Variants in CCND3 observed in about 807,000 individuals in gnomAD.
CCND3 encodes G1/S-specific cyclin-D3.
In CCND3, 9 loss-of-function variants were observed where a neutral mutation model predicts 28.7. The ratio of observed to expected loss-of-function variants is 0.31; its 90% CI spans 0.19 to 0.55. The LOEUF is 0.55. Among genes scored for constraint, CCND3 ranks in the 20% least tolerant of loss-of-function variants. CCND3 has a pLI of 0.93. For synonymous variants in CCND3, 164 were observed against 163.9 expected (o/e 1.00, Z 0.00); for missense variants, 315 against 385.8 (o/e 0.82, Z 1.54).
chr6:41,970,484 G>A (rs1426174336), intron 1 of CCND3, among the ~76,000 whole-genome samples: 2 of 152,214 alleles, frequency 1.3e-5, no homozygotes, highest in African/African-American at 4.8e-5. Context: ...AGCCTGTGGT[G>A]AGAAGACAAT....
At chr6:42,044,571 A>C (rs560095783) in intron 1 of CCND3, among the ~76,000 whole-genome samples, 1 of 152,258 alleles carries the variant, frequency 6.6e-6, no homozygotes, top group South Asian at 2.1e-4. Flanking sequence ...CATTTGTTAG[A>C]AAGTTCTACG....
intron 1 of CCND3, among the ~76,000 whole-genome samples, chr6:41,987,515 C>CTG (rs1314945814): frequency 1.1e-3 from 47 of 41,280 alleles, no homozygotes; most frequent in African/African-American, 9.9e-3. Context: ...CTCTCTCTCT[C>CTG]TCTGTGTGTG....
chr6:41,957,094 C>T (rs1776457925), intron 1 of CCND3, among the ~76,000 whole-genome samples: 1 of 152,214 alleles, frequency 6.6e-6, no homozygotes, highest in African/African-American at 2.4e-5. Flanking sequence ...GTTAACTCCA[C>T]ACAAACAACT....
intron 1 of CCND3, among the ~76,000 whole-genome samples, chr6:41,957,872 A>G (rs1034916628): frequency 6.6e-6 from 1 of 152,014 alleles, no homozygotes; most frequent in Admixed American, 6.6e-5. Flanking sequence ...AATTTTTTGC[A>G]GAGATGGGGT....
intron 1 of CCND3, among the ~76,000 whole-genome samples, chr6:41,950,960 G>C (rs569876983): frequency 2.0e-5 from 3 of 151,812 alleles, no homozygotes; most frequent in Non-Finnish European, 4.4e-5. Flanking sequence ...CGCCCGCCTC[G>C]GCCTCCCAAA....
chr6:42,044,781 C>A lies in CCND3; in HGVS notation c.-46+3720G>T, dbSNP rs1363862947. 6.0e-4 allele frequency among the ~76,000 whole-genome samples: 38 copies of A among 63,626 alleles called. No individual in the cohort carries two copies. The East Asian group carries it at 8.0e-3, about 13-fold the overall frequency. The allele number at this position is 63,626 out of a possible 152,430, so 41.7% of individuals were successfully genotyped here. On this transcript the variant is annotated intron_variant, in intron 1 of 4. Transcript: ENST00000372988. ...TATCTTTTCTTTCTTTTCTTTCTTT[C>A]CTTTTATTTATTTATTTATTTATTT...
At chr6:42,003,737 G>T (rs1763089989) in intron 1 of CCND3, among the ~76,000 whole-genome samples, 1 of 151,566 alleles carries the variant, frequency 6.6e-6, no homozygotes, top group Non-Finnish European at 1.5e-5. Flanking sequence ...TCAGGAGTTT[G>T]AGACCAGTCT....
chr6:41,956,478 T>A (rs192704732), intron 1 of CCND3, among the ~76,000 whole-genome samples: 2 of 152,226 alleles, frequency 1.3e-5, no homozygotes, highest in East Asian at 3.9e-4. Context: ...TCCTCAACGT[T>A]CTAAAGGTAG....
chr6:42,031,780 T>C (rs1260127960), intron 1 of CCND3, among the ~76,000 whole-genome samples: 2 of 152,046 alleles, frequency 1.3e-5, no homozygotes, highest in East Asian at 1.9e-4. Context: ...ACCATATAAT[T>C]TTCATGTTAC....
At chr6:41,989,917 G>T (rs1762602082) in intron 1 of CCND3, among the ~76,000 whole-genome samples, 1 of 152,060 alleles carries the variant, frequency 6.6e-6, no homozygotes, top group Admixed American at 6.6e-5. Flanking sequence ...AAACTCTGAG[G>T]CCCAAGCTGT....
chr6:41,976,817 A>G (rs751342699), intron 1 of CCND3, among the ~76,000 whole-genome samples: 6 of 152,156 alleles, frequency 3.9e-5, no homozygotes, highest in Admixed American at 6.6e-5. Flanking sequence ...ACTCACCTCA[A>G]TGACGCCTCC....
At chr6:41,943,711 A>C (rs1009373703), upstream of CCND3, among the ~76,000 whole-genome samples, 1 of 152,224 alleles carries the variant, frequency 6.6e-6, no homozygotes, top group African/African-American at 2.4e-5. Flanking sequence ...TTTCCTGCTG[A>C]ATAGTTAAAC....
chr6:41,940,476 C>A lies in CCND3; in HGVS notation c.308G>T (p.Gly103Val). ...GGAGGCCAGCAGCATGCAGACCGCA[C>A]CCAGGAGCTGCAACTGCGCCTTTCG... Reference protein sequence around the residue: ...PTRKAQLQLLGAVCMLLASKL... With the variant: ...PTRKAQLQLLVAVCMLLASKL... Residue 103 changes from glycine (G) to valine (V), a missense_variant, in exon 2 of 5, where the codon GGT (glycine) becomes GTT (valine). By Grantham distance (109) the Gly-to-Val change is moderately radical. Transcript: ENST00000372991. 1 of 1,614,084 alleles carries A rather than the reference C, an allele frequency of 6.2e-7. No individual in the cohort carries two copies. Among genetic ancestry groups the A allele is most frequent in the Non-Finnish European group, 8.5e-7 (1 of 1,180,008 alleles).
At chr6:41,979,064 G>A (rs1461826563) in intron 1 of CCND3, among the ~76,000 whole-genome samples, 2 of 151,202 alleles carry the variant, frequency 1.3e-5, no homozygotes, top group African/African-American at 2.4e-5. Flanking sequence ...CGAGCTACTT[G>A]GGAGGCTGAG....
intron 1 of CCND3, among the ~76,000 whole-genome samples, chr6:41,950,884 A>G (rs1334474679): frequency 6.6e-6 from 1 of 151,410 alleles, no homozygotes; most frequent in Non-Finnish European, 1.5e-5. Flanking sequence ...AATTTTTTGT[A>G]TTTTTAGTAG....
chr6:41,997,519 G>A (rs1319589800), intron 1 of CCND3, among the ~76,000 whole-genome samples: 1 of 152,056 alleles, frequency 6.6e-6, no homozygotes, highest in Non-Finnish European at 1.5e-5. Context: ...AATTATAATG[G>A]CCTCTTCCTC....
intron 1 of CCND3, among the ~76,000 whole-genome samples, chr6:41,979,874 G>GTA (rs1762290113): frequency 6.6e-6 from 1 of 151,950 alleles, no homozygotes; most frequent in African/African-American, 2.4e-5. Context: ...GGTCTCAAGT[G>GTA]ATCCCCCTGC....
intron 1 of CCND3, among the ~76,000 whole-genome samples, chr6:42,038,188 TCTTTACCCTTATTCAC>T (rs1764281331): frequency 6.6e-6 from 1 of 152,106 alleles, no homozygotes; most frequent in Non-Finnish European, 1.5e-5. Flanking sequence ...TTCTTGGTAT[TCTTTACCCTTATTCAC>T]ATTTTTACCT....
At chr6:42,027,738 T>G (rs571654743) in intron 1 of CCND3, among the ~76,000 whole-genome samples, 23 of 151,844 alleles carry the variant, frequency 1.5e-4, no homozygotes, top group South Asian at 1.0e-3. Context: ...CCTCAGTTTT[T>G]TTTGTTTGTT....
Sources: allele counts gnomAD v4.1 joint callset (sites outside exome capture counted in the v4.1 genomes callset), GRCh38; gene constraint gnomAD v4.1.1; transcripts MANE v1.5; gene names NCBI Gene and HGNC (gene_info 2026-07-23, HGNC 2026-07-21).